The following FBXO21 variants were observed in gnomAD, a reference collection of about 807,000 sequenced individuals.
FBXO21 encodes the protein F-box only protein 21.
In FBXO21, 32 loss-of-function variants were observed where a neutral mutation model predicts 76.6. The observed-to-expected ratio is 0.42, with a 90% CI of 0.32 to 0.56. The LOEUF (loss-of-function observed/expected upper bound fraction) is 0.56. Ranked by LOEUF, FBXO21 falls within the 20% of genes least tolerant of loss-of-function variation. The pLI is 0.16. For synonymous variants in FBXO21, 328 were observed against 311.5 expected, an observed-to-expected ratio of 1.05 and a Z score of -0.56; for missense variants, 586 against 797.3, an observed-to-expected ratio of 0.73 and a Z score of 3.19.
chr12:117,186,659 C>T, intron 2 of FBXO21, 88 bp from the exon 3 acceptor site: 1 of 798,676 alleles, frequency 1.3e-6, no homozygotes. Flanking sequence ...ATAAAGATGT[C>T]CACTACTAAA....
chr12:117,172,452 A>C lies in FBXO21; in HGVS notation c.1013+19T>G. The C allele has an allele frequency of 6.2e-7, 1 of 1,607,610 alleles. No individual in the cohort carries two copies. The highest frequency in any genetic ancestry group is 1.1e-5 in the South Asian group (1 of 90,578). ...GACCAAATCTTCAGGACCACAGATA[A>C]TGTGTCACGGATGCTCACCCTTCTG... On this transcript the variant is annotated intron_variant, in intron 7 of 11. Coordinates refer to ENST00000622495, the MANE Select transcript of FBXO21 (RefSeq NM_015002.3).
chr12:117,153,088 C>T (rs1955863313), intron 11 of FBXO21, among the ~76,000 whole-genome samples: 1 of 152,008 alleles, frequency 6.6e-6, no homozygotes, highest in African/African-American at 2.4e-5. Context: ...TCAATTCAAG[C>T]AGCAAGTGGC....
In FBXO21 at chr12:117,183,320, G is replaced by A. The variant is rs370436146; in HGVS notation, c.470+3157C>T. ...GGCTGGAATGCAATGGCGCGATCTC[G>A]GCTCACTGCAACCTCTGCCTCCCAC... is the stretch of plus-strand genomic sequence containing the variant. On this transcript the variant is annotated intron_variant, in intron 3 of 11. Transcript: ENST00000622495. Among the ~76,000 whole-genome samples, 41 of 151,166 alleles carry A rather than the reference G, an allele frequency of 2.7e-4. No homozygotes were observed. In the East Asian group the frequency reaches 4.7e-3, roughly 17 times the overall value.
intron 11 of FBXO21, among the ~76,000 whole-genome samples, chr12:117,149,164 ATTTT>A: frequency 6.6e-6 from 1 of 151,510 alleles, no homozygotes; most frequent in Non-Finnish European, 1.5e-5. Flanking sequence ...TGGCCTTTGG[ATTTT>A]CTTTTCTTTT....
chr12:117,190,261 A>C lies in FBXO21; in HGVS notation c.196T>G (p.Cys66Gly). The change falls in exon 1 of 12, where the codon TGC becomes GGC. Residue 66 changes from cysteine to glycine, a missense_variant. Physicochemically the swap from Cys to Gly is radical, Grantham distance 159. Transcript: ENST00000622495. Reference sequence around the variant, plus strand: ...TTCCACACCTTCCCGCTGCTCTGGCACAGCTCGCGCAGCCGCCGGCAGGTG... The same window carrying C: ...TTCCACACCTTCCCGCTGCTCTGGCCCAGCTCGCGCAGCCGCCGGCAGGTG... ...SSTCRRLREL[C>G]QSSGKVWKEQ... is the part of the protein sequence containing the mutation. 6.5e-7 allele frequency: 1 copy of C among 1,546,494 alleles called. No individual in the cohort carries two copies. The highest frequency in any genetic ancestry group is 8.6e-7 in the Non-Finnish European group (1 of 1,156,634).
chr12:117,189,098 C>G (rs1345258938), intron 2 of FBXO21, 129 bp downstream of exon 2: 3 of 1,027,340 alleles, frequency 2.9e-6, no homozygotes, highest in African/African-American at 3.2e-5. Flanking sequence ...TTGCAGCCAT[C>G]TAAGTGAGTA....
At chr12:117,174,877 T>A in intron 4 of FBXO21, 80 bp from the exon 5 acceptor site, 1 of 1,449,570 alleles carries the variant, frequency 6.9e-7, no homozygotes, top group Non-Finnish European at 9.5e-7. Context: ...CTGGACATCC[T>A]GGGACATGGC....
rs1433474192 is a variant in FBXO21 at position 117,142,818 on chromosome 12, A to G, written c.*3269T>C. Reference sequence around the variant, plus strand: ...ATGGACTAAGGAGGGGAAAGCAAAGAGATGCGACATCAGCAGCAGAAAGCC... The same window carrying G: ...ATGGACTAAGGAGGGGAAAGCAAAGGGATGCGACATCAGCAGCAGAAAGCC... On this transcript the variant is annotated 3_prime_UTR_variant, in exon 12 of 12. Coordinates refer to ENST00000622495, the MANE Select transcript of FBXO21 (RefSeq NM_015002.3). The G allele has an allele frequency of 6.6e-6, 1 of 152,192 alleles. No homozygotes were observed. Among genetic ancestry groups the G allele is most frequent in the Admixed American group, 6.5e-5 (1 of 15,278 alleles). The allele number at this position is 152,192 out of a possible 1,614,324, so 9.4% of individuals were successfully genotyped here.
intron 3 of FBXO21, among the ~76,000 whole-genome samples, chr12:117,179,255 ACT>A (rs1464042910): frequency 6.6e-6 from 1 of 152,128 alleles, no homozygotes; most frequent in African/African-American, 2.4e-5. Flanking sequence ...TGGATCTAAC[ACT>A]CTTGCCAAGA....
At chr12:117,169,882 T>G (rs1407175520) in intron 7 of FBXO21, among the ~76,000 whole-genome samples, 2 of 152,064 alleles carry the variant, frequency 1.3e-5, no homozygotes, top group African/African-American at 4.8e-5. Flanking sequence ...TTATTTAACT[T>G]TGTACAAAAA....
In FBXO21 at chr12:117,145,156, T is replaced by C. The variant is rs1440052724; in HGVS notation, c.*931A>G. ...TTTTTGGTCTTTGAAGACCATGGAG[T>C]ATGACTTCTAAGAGCAAACATTAAC... is the stretch of plus-strand genomic sequence containing the variant. On this transcript the variant is annotated 3_prime_UTR_variant, in exon 12 of 12. Transcript: ENST00000622495. 1 of 150,818 alleles carries C rather than the reference T, an allele frequency of 6.6e-6. No homozygotes were observed. Among genetic ancestry groups the C allele is most frequent in the African/African-American group, 2.4e-5 (1 of 41,014 alleles). The allele number at this position is 150,818 out of a possible 1,614,324, so 9.3% of individuals were successfully genotyped here. A position where few individuals can be genotyped will look rare whatever the true frequency, so the allele number is the denominator to read the frequency against.
intron 11 of FBXO21, 60 bp downstream of exon 11, chr12:117,155,730 TC>T: frequency 2.6e-6 from 4 of 1,541,912 alleles, no homozygotes; most frequent in Non-Finnish European, 3.5e-6. Context: ...ACCCGAGGGC[TC>T]AAACGTGCGC....
chr12:117,160,458 TC>T (rs1955964688), intron 9 of FBXO21, among the ~76,000 whole-genome samples: 2 of 152,188 alleles, frequency 1.3e-5, no homozygotes, highest in South Asian at 4.1e-4. Context: ...GCATCTGCAC[TC>T]GATGGCTTCA....
At chr12:117,167,113 C>T (rs1196203719) in intron 7 of FBXO21, 36 bp from the exon 8 acceptor site, 2 of 1,546,484 alleles carry the variant, frequency 1.3e-6, no homozygotes, top group South Asian at 1.1e-5. Context: ...GAGAGCTGAA[C>T]AACTCATTAT....
chr12:117,153,348 T>C (rs1592869710), intron 11 of FBXO21, among the ~76,000 whole-genome samples: 1 of 149,778 alleles, frequency 6.7e-6, no homozygotes, highest in South Asian at 2.1e-4. Flanking sequence ...GCAAGGGGGG[T>C]ATGGGGGCAC....
intron 11 of FBXO21, among the ~76,000 whole-genome samples, chr12:117,149,541 T>C (rs1955815556): frequency 6.6e-6 from 1 of 152,198 alleles, no homozygotes; most frequent in South Asian, 2.1e-4. Context: ...GGACATCTGG[T>C]AAGGCCTGCA....
chr12:117,172,450 T>A, intron 7 of FBXO21, 21 bp downstream of exon 7: 1 of 1,607,182 alleles, frequency 6.2e-7, no homozygotes, highest in South Asian at 1.1e-5. Context: ...GGACCACAGA[T>A]AATGTGTCAC....
At position 117,163,436 on chromosome 12, in the gene FBXO21, G is replaced by A. The variant is rs532110285; in HGVS notation, c.1326+2049C>T. 3.9e-5 allele frequency among the ~76,000 whole-genome samples: 6 copies of A among 152,302 alleles called. No homozygotes were observed. In the East Asian group the frequency reaches 9.6e-4, roughly 24 times the overall value. ...TAATCCCAGCCACTTGGGAGGCTGAGGCAGGAGGATCACTTGAACCCGGGA... is the reference window on the plus strand; with the variant it reads ...TAATCCCAGCCACTTGGGAGGCTGAAGCAGGAGGATCACTTGAACCCGGGA... On this transcript the variant is annotated intron_variant, in intron 9 of 11. Transcript: ENST00000622495.
chr12:117,147,683 G>C (rs1281797984), intron 11 of FBXO21, among the ~76,000 whole-genome samples: 1 of 151,902 alleles, frequency 6.6e-6, no homozygotes, highest in Admixed American at 6.6e-5. Flanking sequence ...CCTGGAACAA[G>C]GCTCCTCCAC....
Sources: allele counts gnomAD v4.1 joint callset (sites outside exome capture counted in the v4.1 genomes callset), GRCh38; gene constraint gnomAD v4.1.1; transcripts MANE v1.5; gene names NCBI Gene and HGNC (gene_info 2026-07-23, HGNC 2026-07-21).